SUCO: variants seen among roughly 807,000 people sequenced by gnomAD.
SUCO encodes the protein SUN domain containing ossification factor, also known as SUN domain-containing ossification factor.
Under a neutral mutation model 148.1 loss-of-function variants are expected in SUCO, and 57 were observed. The observed-to-expected ratio is 0.38, with a 90% CI of 0.31 to 0.48. The LOEUF (loss-of-function observed/expected upper bound fraction) is 0.48, where lower values mean the gene tolerates loss of function less well. Ranked by LOEUF, SUCO falls within the 20% of genes least tolerant of loss-of-function variation. The probability of loss-of-function intolerance (pLI) is 0.96; values close to 1 mark genes in which losing one functional copy is unlikely to be tolerated. For synonymous variants in SUCO, 470 were observed against 502.7 expected, an observed-to-expected ratio of 0.93 and a Z score of 0.87; for missense variants, 1,331 against 1,468.2, an observed-to-expected ratio of 0.91 and a Z score of 1.53.
At chr1:172,590,062 G>T in intron 18 of SUCO, 136 bp downstream of exon 18, 1 of 662,854 alleles carries the variant, frequency 1.5e-6, no homozygotes, top group South Asian at 6.2e-5. Flanking sequence ...GCAAGAGAGA[G>T]AAAGAAAGCT....
In SUCO at chr1:172,608,746, G is replaced by A; in HGVS notation, c.3266-1G>A. On this transcript the variant is annotated splice_acceptor_variant, in intron 22 of 23. Transcript: ENST00000263688. LOFTEE classifies it high-confidence loss of function. ...CTGCTTTTTTTTTTTTTTACTTACA[G>A]TAGACCCAAATGATTTGTACATTGT... 1 of 1,544,784 alleles carries A rather than the reference G, an allele frequency of 6.5e-7. No individual in the cohort carries two copies. The highest frequency in any genetic ancestry group is 8.8e-7 in the Non-Finnish European group (1 of 1,131,710).
chr1:172,575,557 T>C lies in SUCO; in HGVS notation c.1197T>C (p.His399=), dbSNP rs200559228. The change falls in exon 11 of 24, where the codon CAT becomes CAC. Residue 399 remains histidine, a synonymous_variant. Coordinates refer to ENST00000263688, the MANE Select transcript of SUCO (RefSeq NM_014283.5). ...AGTGGATTAAGCTGGGTACTTTTCATGGTAGAGATGAGCGGAATGTACAGA... is the reference window on the plus strand; with the variant it reads ...AGTGGATTAAGCTGGGTACTTTTCACGGTAGAGATGAGCGGAATGTACAGA... The part of the protein sequence containing the change: ...TNKWIKLGTF[H]GRDERNVQSF... 6.2e-7 allele frequency: 1 copy of C among 1,612,292 alleles called. No individual in the cohort carries two copies. Among genetic ancestry groups the C allele is most frequent in the East Asian group, 2.2e-5 (1 of 44,750 alleles).
intron 1 of SUCO, among the ~76,000 whole-genome samples, chr1:172,535,419 G>C (rs1008214589): frequency 1.3e-5 from 2 of 152,182 alleles, no homozygotes; most frequent in Non-Finnish European, 2.9e-5. Flanking sequence ...TTTTTAAAGG[G>C]TGATGATGAT....
Position 172,609,616 on chromosome 1 carries a change from G to T in SUCO, c.3322-200G>T. ...GCAGGTAAGCAATTTAAAGAGTTTT[G>T]ATTCAGTAGTATTTACAAAATGGGA... On this transcript the variant is annotated intron_variant, in intron 23 of 23. Coordinates refer to ENST00000263688, the MANE Select transcript of SUCO (RefSeq NM_014283.5). 3 of 985,034 alleles carry T rather than the reference G, an allele frequency of 3.0e-6. No homozygotes were observed. The South Asian group carries it at 1.4e-4, about 46-fold the overall frequency. 61.0% of individuals were successfully genotyped at this position (985,034 alleles called of 1,614,324 possible).
intron 1 of SUCO, chr1:172,541,781 A>G: frequency 4.8e-6 from 4 of 837,604 alleles, no homozygotes; most frequent in Non-Finnish European, 5.8e-6. Context: ...TCTGGTGGAC[A>G]AAACAAAGTA....
At position 172,570,149 on chromosome 1, in the gene SUCO, T is replaced by C; in HGVS notation, c.959T>C (p.Leu320Pro). 6.3e-7 allele frequency: 1 copy of C among 1,586,096 alleles called. No homozygotes were observed. The highest frequency in any genetic ancestry group is 8.6e-7 in the Non-Finnish European group (1 of 1,164,990). The change falls in exon 8 of 24, where the codon CTA becomes CCA. Residue 320 changes from leucine to proline, a missense_variant. Coordinates refer to ENST00000263688, the MANE Select transcript of SUCO (RefSeq NM_014283.5). The stretch of plus-strand genomic sequence containing the variant: ...TCAGTAGAATGTGGTGCCAAAATTC[T>C]AGCAGCTAATCCAGAAGCCAAGGTA... Reference protein sequence around the residue: ...YASVECGAKILAANPEAKSTS... With the variant: ...YASVECGAKIPAANPEAKSTS...
At position 172,557,806 on chromosome 1, in the gene SUCO, A is replaced by G; in HGVS notation, c.732+12A>G. ...ATTTAAAAAATGAGGTAGGTATATA[A>G]CTTGCACTATCTCTTACTTCTTTAT... On this transcript the variant is annotated intron_variant, in intron 6 of 23. Coordinates refer to ENST00000263688, the MANE Select transcript of SUCO (RefSeq NM_014283.5). 1 of 1,571,790 alleles carries G rather than the reference A, an allele frequency of 6.4e-7. No homozygotes were observed. The highest frequency in any genetic ancestry group is 8.6e-7 in the Non-Finnish European group (1 of 1,162,614).
chr1:172,588,676 A>G (rs1656402221), intron 17 of SUCO, 84 bp from the exon 18 acceptor site: 1 of 1,293,678 alleles, frequency 7.7e-7, no homozygotes. Flanking sequence ...TATCTTCTGT[A>G]TGGATACATT....
chr1:172,610,072 A>G lies in SUCO; in HGVS notation c.3578A>G (p.Gln1193Arg). ...ACTSLCNGQS[Q>R]KTKTEKRALK... ...ACAAGTCTGTGCAATGGACAGTCTC[A>G]AAAGACAAAAACTGAGAAGAGGGCT... The change falls in exon 24 of 24, where the codon CAA becomes CGA. Residue 1193 changes from glutamine (Q) to arginine (R), a missense_variant. Transcript: ENST00000263688. 6.2e-7 allele frequency: 1 copy of G among 1,613,924 alleles called. No individual in the cohort carries two copies. Among genetic ancestry groups the G allele is most frequent in the Non-Finnish European group, 8.5e-7 (1 of 1,179,880 alleles).
chr1:172,584,296 C>G, intron 15 of SUCO: 4 of 606,840 alleles, frequency 6.6e-6, no homozygotes, highest in Non-Finnish European at 8.3e-6. Flanking sequence ...CTTTTTTACA[C>G]TTTTTTAAAA....
intron 1 of SUCO, among the ~76,000 whole-genome samples, chr1:172,547,019 C>T (rs1406870398): frequency 6.6e-6 from 1 of 152,200 alleles, no homozygotes; most frequent in Non-Finnish European, 1.5e-5. Flanking sequence ...ATAGAATATT[C>T]TCATCACCCT....
At chr1:172,573,657 G>A (rs185279213) in intron 9 of SUCO, among the ~76,000 whole-genome samples, 5 of 152,118 alleles carry the variant, frequency 3.3e-5, no homozygotes, top group Middle Eastern at 3.4e-3. Flanking sequence ...AAAAAAAAAT[G>A]ATGGAGCAAA....
At position 172,555,918 on chromosome 1, in the gene SUCO, C is replaced by T; in HGVS notation, c.338C>T (p.Thr113Ile). The T allele has an allele frequency of 6.2e-7, 1 of 1,612,888 alleles. No homozygotes were observed. The highest frequency in any genetic ancestry group is 8.5e-7 in the Non-Finnish European group (1 of 1,179,144). ...LSPPVVETLP[T>I]VDLHEESSNA... ...CCACCGGTGGTGGAGACACTCCCTA[C>T]AGTTGATTTGCATGAAGAGTCTTCC... Residue 113 changes from threonine (T) to isoleucine (I), a missense_variant, in exon 4 of 24, where the codon ACA (threonine) becomes ATA (isoleucine). Physicochemically the swap from Thr to Ile is moderately conservative, Grantham distance 89. Around this residue, in one of 3 missense-constraint regions of SUCO, gnomAD observed 992 missense variants for 1,093.5 expected, o/e 0.91. Coordinates refer to ENST00000263688, the MANE Select transcript of SUCO (RefSeq NM_014283.5).
chr1:172,578,631 A>C (rs1197788945), intron 14 of SUCO: 1 of 749,168 alleles, frequency 1.3e-6, no homozygotes, highest in Non-Finnish European at 1.6e-6. Context: ...CTTCTATAAC[A>C]TTAATGGTAT....
intron 6 of SUCO, among the ~76,000 whole-genome samples, chr1:172,563,829 C>G (rs1325007834): frequency 6.6e-6 from 1 of 152,170 alleles, no homozygotes; most frequent in Non-Finnish European, 1.5e-5. Context: ...TCATGGCAGC[C>G]CCTCCCATCG....
At chr1:172,547,717 G>C (rs750383467) in intron 1 of SUCO, among the ~76,000 whole-genome samples, 2 of 152,148 alleles carry the variant, frequency 1.3e-5, no homozygotes, top group Non-Finnish European at 2.9e-5. Flanking sequence ...ATTTAATTCT[G>C]TACTGGAGAA....
intron 1 of SUCO, among the ~76,000 whole-genome samples, chr1:172,535,328 T>C (rs950079911): frequency 6.6e-6 from 1 of 152,238 alleles, no homozygotes; most frequent in Admixed American, 6.5e-5. Flanking sequence ...TTGTTTAGAC[T>C]GCCAAATTTA....
intron 19 of SUCO, among the ~76,000 whole-genome samples, chr1:172,596,088 C>T (rs1657074534): frequency 6.6e-6 from 1 of 152,184 alleles, no homozygotes; most frequent in Non-Finnish European, 1.5e-5. Context: ...GAAGCTTGTG[C>T]ATGAGTCACG....
At chr1:172,549,803 C>T (rs1653142003) in intron 1 of SUCO, among the ~76,000 whole-genome samples, 1 of 149,886 alleles carries the variant, frequency 6.7e-6, no homozygotes, top group Admixed American at 6.6e-5. Flanking sequence ...CTTAAAATGG[C>T]AGGATGCCTA....
Sources: gnomAD v4.1 joint callset for allele counts (sites outside exome capture counted in the v4.1 genomes callset) on GRCh38, gnomAD v4.1.1 for gene constraint, gnomAD v4.1.1 regional missense constraint, MANE v1.5 for transcripts, NCBI Gene and HGNC (gene_info 2026-07-23, HGNC 2026-07-21) for gene names.